SATB2: variants seen among roughly 807,000 people sequenced by gnomAD.
SATB2 encodes the protein SATB homeobox 2.
SATB2 carries 1 observed loss-of-function variant against 73.4 expected under a neutral mutation model. The observed-to-expected ratio is 0.01, with a 90% confidence interval of 0.00 to 0.06. The LOEUF (loss-of-function observed/expected upper bound fraction) is 0.06. Ranked by LOEUF, SATB2 falls within the 10% of genes least tolerant of loss-of-function variation. The pLI, the probability that SATB2 is intolerant of heterozygous loss-of-function variation, is 1.00. For missense variants in SATB2, 459 were observed against 945.8 expected, an observed-to-expected ratio of 0.49 and a Z score of 6.75; for synonymous variants, 397 against 367.0, an observed-to-expected ratio of 1.08 and a Z score of -0.93.
chr2:199,316,646 C>T (rs78173962), intron 9 of SATB2, among the ~76,000 whole-genome samples: 1 of 152,002 alleles, frequency 6.6e-6, no homozygotes, highest in Non-Finnish European at 1.5e-5. Context: ...TATTTCAGAA[C>T]AGCCCTTTAA....
rs6729045 is a variant in SATB2 at position 199,437,181 on chromosome 2, T to C, written c.170-3667A>G. Among the ~76,000 whole-genome samples, 111 of 152,314 alleles carry C rather than the reference T, an allele frequency of 7.3e-4. 1 individual carries two copies. Among genetic ancestry groups the C allele is most frequent in the African/African-American group, 2.6e-3 (108 of 41,572 alleles). On this transcript the variant is annotated intron_variant, in intron 2 of 10. Coordinates refer to ENST00000417098, the MANE Select transcript of SATB2 (RefSeq NM_001172509.2). ...TTTTCAGATGATCTAGTAGAGAACT[T>C]TGAACCTTCTGATCATAAGCCTTAC...
chr2:199,290,764 A>C (rs2105741570), intron 10 of SATB2, among the ~76,000 whole-genome samples: 1 of 152,298 alleles, frequency 6.6e-6, no homozygotes, highest in South Asian at 2.1e-4. Flanking sequence ...CATATTCATC[A>C]GTTTGCTTCT....
chr2:199,451,444 A>G (rs1692121064), intron 2 of SATB2, among the ~76,000 whole-genome samples: 1 of 148,622 alleles, frequency 6.7e-6, no homozygotes, highest in Non-Finnish European at 1.5e-5. Context: ...AAGATCTTAA[A>G]ACCTTAAAAA....
At chr2:199,318,907 A>T (rs892487841) in intron 9 of SATB2, among the ~76,000 whole-genome samples, 2 of 152,142 alleles carry the variant, frequency 1.3e-5, no homozygotes, top group East Asian at 3.9e-4. Flanking sequence ...GAAAAAAGCA[A>T]TGTTCATAAA....
At chr2:199,381,538 C>G (rs1192836681) in intron 4 of SATB2, among the ~76,000 whole-genome samples, 156 bp downstream of exon 4, 1 of 152,094 alleles carries the variant, frequency 6.6e-6, no homozygotes, top group African/African-American at 2.4e-5. Context: ...GAAGGGCCAC[C>G]CTTCTCCTTC....
chr2:199,431,720 C>T (rs889838519), intron 3 of SATB2, among the ~76,000 whole-genome samples: 6 of 152,132 alleles, frequency 3.9e-5, no homozygotes, highest in African/African-American at 1.4e-4. Flanking sequence ...AGCCCCTTCC[C>T]TCAGTATGTG....
At chr2:199,291,195 T>C (rs1349668360) in intron 10 of SATB2, among the ~76,000 whole-genome samples, 1 of 152,206 alleles carries the variant, frequency 6.6e-6, no homozygotes, top group African/African-American at 2.4e-5. Context: ...CAAAATTAAT[T>C]CAATGTATAT....
chr2:199,449,332 A>G (rs1470016834), intron 2 of SATB2, among the ~76,000 whole-genome samples: 2 of 152,200 alleles, frequency 1.3e-5, no homozygotes, highest in African/African-American at 4.8e-5. Context: ...GTAGCCTTTC[A>G]GTGCCACTTA....
chr2:199,278,565 G>C (rs371068892), intron 10 of SATB2, among the ~76,000 whole-genome samples: 22 of 152,194 alleles, frequency 1.4e-4, no homozygotes, highest in African/African-American at 5.1e-4. Context: ...CCACCATCAG[G>C]GTAATGGAAA....
At chr2:199,449,001 A>G (rs1262578133) in intron 2 of SATB2, among the ~76,000 whole-genome samples, 2 of 152,188 alleles carry the variant, frequency 1.3e-5, no homozygotes, top group African/African-American at 2.4e-5. Flanking sequence ...TTAATAAAGA[A>G]TATGCTTACT....
chr2:199,306,317 C>T (rs951488300), intron 10 of SATB2, among the ~76,000 whole-genome samples: 6 of 152,160 alleles, frequency 3.9e-5, no homozygotes, highest in African/African-American at 1.2e-4. Context: ...GACATAAATT[C>T]AACGTTGCAA....
intron 7 of SATB2, among the ~76,000 whole-genome samples, chr2:199,343,037 A>G (rs537894421): frequency 6.6e-6 from 1 of 152,316 alleles, no homozygotes; most frequent in South Asian, 2.1e-4. Flanking sequence ...AATCTTAAAC[A>G]TGAAAAACTG....
At chr2:199,339,705 C>G (rs181082178) in intron 7 of SATB2, among the ~76,000 whole-genome samples, 1 of 152,114 alleles carries the variant, frequency 6.6e-6, no homozygotes, top group Non-Finnish European at 1.5e-5. Flanking sequence ...TGAGACCAGA[C>G]GTAGGCTGAC....
chr2:199,297,254 A>C (rs976159005), intron 10 of SATB2, among the ~76,000 whole-genome samples: 1 of 152,190 alleles, frequency 6.6e-6, no homozygotes, highest in Non-Finnish European at 1.5e-5. Context: ...AAAATAGTAA[A>C]ATTTGCAAAT....
chr2:199,349,745 T>C (rs145365650), intron 6 of SATB2, among the ~76,000 whole-genome samples: 117 of 152,324 alleles, frequency 7.7e-4, no homozygotes, highest in African/African-American at 2.6e-3. Flanking sequence ...AAGAAATTGA[T>C]ATTTTAAACA....
At chr2:199,296,655 T>C (rs958242225) in intron 10 of SATB2, among the ~76,000 whole-genome samples, 1 of 152,146 alleles carries the variant, frequency 6.6e-6, no homozygotes, top group Non-Finnish European at 1.5e-5. Context: ...GCCATGATTG[T>C]GCCACTTCAC....
chr2:199,397,780 T>C, intron 3 of SATB2: 1 of 423,928 alleles, frequency 2.4e-6, no homozygotes, highest in Non-Finnish European at 4.7e-6. Flanking sequence ...TTCCAGCTAC[T>C]CCGGAGGCTG....
intron 10 of SATB2, among the ~76,000 whole-genome samples, chr2:199,281,586 C>T (rs1235984372): frequency 6.6e-6 from 1 of 151,908 alleles, no homozygotes; most frequent in Non-Finnish European, 1.5e-5. Context: ...TGAATACATG[C>T]TATTATTTTT....
Position 199,308,676 on chromosome 2 carries a change from G to T in SATB2, c.1740+84C>A. ...GACACCCTCTGACAGAAGTTGGTGTGGTGTGTGCCACTTGGACCCTCAGCA... is the reference window on the plus strand; with the variant it reads ...GACACCCTCTGACAGAAGTTGGTGTTGTGTGTGCCACTTGGACCCTCAGCA... On this transcript the variant is annotated intron_variant, in intron 10 of 10. Transcript: ENST00000417098. The surrounding 1 kb of genome is among the most constrained non-coding windows in gnomAD (Gnocchi z 4.6). 8.7e-7 allele frequency: 1 copy of T among 1,148,596 alleles called. No homozygotes were observed. The highest frequency in any genetic ancestry group is 1.3e-6 in the Non-Finnish European group (1 of 769,416). 71.2% of individuals were successfully genotyped at this position (1,148,596 alleles called of 1,614,324 possible).
Sources: gnomAD v4.1 joint callset for allele counts (sites outside exome capture counted in the v4.1 genomes callset) on GRCh38, gnomAD v4.1.1 for gene constraint, Gnocchi (gnomAD v3.1) non-coding constraint, MANE v1.5 for transcripts, NCBI Gene and HGNC (gene_info 2026-07-23, HGNC 2026-07-21) for gene names.